The following METTL8 variants were observed in gnomAD, a reference collection of about 807,000 sequenced individuals.
METTL8 encodes the protein tRNA N(3)-cytidine methyltransferase METTL8, mitochondrial.
Under a neutral mutation model 48.7 loss-of-function variants are expected in METTL8, and 32 were observed. The ratio of observed to expected loss-of-function variants is 0.66; its 90% CI spans 0.50 to 0.88. The LOEUF is 0.88. Among genes scored for constraint, METTL8 ranks in the 40% least tolerant of loss-of-function variants. The pLI is 0.00. For missense variants in METTL8, 464 were observed against 474.4 expected, an observed-to-expected ratio of 0.98 and a Z score of 0.20; for synonymous variants, 136 against 157.1, an observed-to-expected ratio of 0.87 and a Z score of 1.01.
At chr2:171,378,092 T>C (rs1306001299) in intron 2 of METTL8, among the ~76,000 whole-genome samples, 2 of 152,098 alleles carry the variant, frequency 1.3e-5, no homozygotes, top group East Asian at 3.9e-4. Flanking sequence ...ATAACAATAT[T>C]AACCTTAAAT....
At chr2:171,356,952 A>ATGTTTTTTTTTTTGT in intron 3 of METTL8, among the ~76,000 whole-genome samples, 1 of 78,468 alleles carries the variant, frequency 1.3e-5, no homozygotes, top group Non-Finnish European at 2.4e-5. Context: ...CAAAGACAAT[A>ATGTTTTTTTTTTTGT]TTTTTTTTTT....
chr2:171,361,370 T>G (rs1269736673), intron 2 of METTL8, among the ~76,000 whole-genome samples: 4 of 152,086 alleles, frequency 2.6e-5, no homozygotes, highest in African/African-American at 7.2e-5. Context: ...CAAGTTGCAT[T>G]TAGCCTAGAA....
At chr2:171,373,105 G>A (rs1365822078) in intron 2 of METTL8, among the ~76,000 whole-genome samples, 1 of 152,172 alleles carries the variant, frequency 6.6e-6, no homozygotes, top group South Asian at 2.1e-4. Context: ...CACCAACAGT[G>A]TAAAAGTGTT....
intron 3 of METTL8, 140 bp from the exon 4 acceptor site, chr2:171,339,694 A>G: frequency 2.3e-6 from 1 of 430,536 alleles, no homozygotes; most frequent in Non-Finnish European, 3.9e-6. Flanking sequence ...ATATTATAAT[A>G]TTTTAATCTA....
chr2:171,330,010 T>C (rs1015860152), intron 7 of METTL8, among the ~76,000 whole-genome samples: 1 of 152,234 alleles, frequency 6.6e-6, no homozygotes. Context: ...TGAAACTAAG[T>C]CATAAATATT....
At chr2:171,355,402 G>T (rs1179274075) in intron 3 of METTL8, among the ~76,000 whole-genome samples, 2 of 152,188 alleles carry the variant, frequency 1.3e-5, no homozygotes, top group African/African-American at 4.8e-5. Flanking sequence ...TCCCAGTTAG[G>T]CTACTTGGGG....
intron 5 of METTL8, among the ~76,000 whole-genome samples, chr2:171,335,092 T>C (rs1685947177): frequency 6.6e-6 from 1 of 152,114 alleles, no homozygotes; most frequent in African/African-American, 2.4e-5. Flanking sequence ...CTATGTGACA[T>C]AAGCAAGTTT....
chr2:171,377,908 T>C (rs1469976822), intron 2 of METTL8, among the ~76,000 whole-genome samples: 2 of 152,022 alleles, frequency 1.3e-5, no homozygotes, highest in African/African-American at 4.8e-5. Flanking sequence ...AGTAATTATA[T>C]GGAAAAAAAC....
intron 1 of METTL8, among the ~76,000 whole-genome samples, chr2:171,393,337 G>A (rs7598137): frequency 0.19 from 27,466 of 145,384 alleles, 2,668 homozygotes; most frequent in South Asian, 0.3. Flanking sequence ...GGCTGAAGCT[G>A]TAGTGAGCCA....
chr2:171,371,836 C>CTATTATTATTATTATTATTAT (rs4027587), intron 2 of METTL8, among the ~76,000 whole-genome samples: 3 of 143,862 alleles, frequency 2.1e-5, no homozygotes, highest in African/African-American at 7.6e-5. Flanking sequence ...GTTATTATTA[C>CTATTATTATTATTATTATTAT]TATTATTATT....
intron 5 of METTL8, 88 bp downstream of exon 5, chr2:171,337,365 T>C: frequency 1.1e-6 from 1 of 883,028 alleles, no homozygotes; most frequent in South Asian, 1.8e-5. Context: ...GAAACACTAC[T>C]GGCATACACG....
intron 2 of METTL8, among the ~76,000 whole-genome samples, chr2:171,389,180 A>AG (rs1029099302): frequency 6.6e-6 from 1 of 152,180 alleles, no homozygotes; most frequent in Non-Finnish European, 1.5e-5. Flanking sequence ...CTCTAGCACT[A>AG]GTCAACTTGT....
At chr2:171,382,918 C>CA in intron 2 of METTL8, among the ~76,000 whole-genome samples, 1 of 151,446 alleles carries the variant, frequency 6.6e-6, no homozygotes, top group East Asian at 1.9e-4. Context: ...ACTAAAAATA[C>CA]AAAAAATTAG....
intron 2 of METTL8, among the ~76,000 whole-genome samples, chr2:171,377,612 C>G (rs1024931773): frequency 6.6e-6 from 1 of 152,072 alleles, no homozygotes; most frequent in Non-Finnish European, 1.5e-5. Flanking sequence ...GATGTACAAA[C>G]AGCCAACAAA....
chr2:171,396,331 G>A (rs940519063), intron 1 of METTL8, among the ~76,000 whole-genome samples: 1 of 151,944 alleles, frequency 6.6e-6, no homozygotes, highest in African/African-American at 2.4e-5. Context: ...TACAGAGTGT[G>A]CTTTTTGACT....
intron 9 of METTL8, 56 bp downstream of exon 9, chr2:171,325,785 A>G: frequency 1.9e-6 from 2 of 1,069,660 alleles, no homozygotes; most frequent in Non-Finnish European, 2.8e-6. Flanking sequence ...AATCAATGAG[A>G]TAATAACTAA....
At chr2:171,346,033 T>C (rs1687232144) in intron 3 of METTL8, among the ~76,000 whole-genome samples, 1 of 152,144 alleles carries the variant, frequency 6.6e-6, no homozygotes, top group Non-Finnish European at 1.5e-5. Context: ...TTTTTTGTTT[T>C]TGTTTTTGTT....
intron 2 of METTL8, among the ~76,000 whole-genome samples, chr2:171,363,817 T>TATATATATATATATATATGTATA (rs1228494441): frequency 1.5e-5 from 2 of 129,056 alleles, no homozygotes; most frequent in African/African-American, 2.9e-5. Context: ...TATATATATC[T>TATATATATATATATATATGTATA]TTTTTTTTTT....
chr2:171,431,158 T>C (rs1332574674), intron 1 of METTL8, among the ~76,000 whole-genome samples: 2 of 152,198 alleles, frequency 1.3e-5, no homozygotes, highest in African/African-American at 4.8e-5. Context: ...CAAAAGTGCT[T>C]ACACCAGATG....
Sources: allele counts gnomAD v4.1 joint callset (sites outside exome capture counted in the v4.1 genomes callset), GRCh38; gene constraint gnomAD v4.1.1; transcripts MANE v1.5; gene names NCBI Gene and HGNC (gene_info 2026-07-23, HGNC 2026-07-21).